The following XRCC4 variants were observed in gnomAD, a reference collection of about 807,000 sequenced individuals.
XRCC4 encodes X-ray repair cross complementing 4.
Under a neutral mutation model 39.1 loss-of-function variants are expected in XRCC4, and 28 were observed. The observed-to-expected ratio is 0.72, with a 90% CI of 0.53 to 0.98. XRCC4 has a LOEUF of 0.98. Among genes scored for constraint, XRCC4 ranks in the 50% least tolerant of loss-of-function variants. The pLI, the probability that XRCC4 is intolerant of heterozygous loss-of-function variation, is 0.00. For missense variants in XRCC4, 350 were observed against 376.4 expected, an observed-to-expected ratio of 0.93 and a Z score of 0.58; for synonymous variants, 123 against 126.4, an observed-to-expected ratio of 0.97 and a Z score of 0.18.
At position 83,251,294 on chromosome 5, in the gene XRCC4, G is replaced by A. The variant is rs148683993; in HGVS notation, c.746-7236G>A. Among the ~76,000 whole-genome samples, 9 of 152,194 alleles carry A rather than the reference G, an allele frequency of 5.9e-5. No individual in the cohort carries two copies. The East Asian group carries it at 1.7e-3, about 29-fold the overall frequency. On this transcript the variant is annotated intron_variant, in intron 6 of 7. Transcript: ENST00000396027. ...TCACTCCAGCACTTTGGGAGGCTGA[G>A]GCGGGTGGATCACGACGTCAGCAGA... is the stretch of plus-strand genomic sequence containing the variant.
At chr5:83,313,959 T>C (rs1191037538) in intron 7 of XRCC4, among the ~76,000 whole-genome samples, 1 of 152,070 alleles carries the variant, frequency 6.6e-6, no homozygotes, top group Non-Finnish European at 1.5e-5. Flanking sequence ...ACTACATAGC[T>C]TTCTGAGTAA....
At chr5:83,150,548 A>G (rs565483301) in intron 3 of XRCC4, among the ~76,000 whole-genome samples, 8 of 152,282 alleles carry the variant, frequency 5.3e-5, no homozygotes, top group East Asian at 3.9e-4. Context: ...GATGCTTTCA[A>G]TGGTCACAGA....
intron 3 of XRCC4, among the ~76,000 whole-genome samples, chr5:83,164,894 G>T (rs1446328046): frequency 2.0e-5 from 3 of 151,984 alleles, no homozygotes; most frequent in Non-Finnish European, 2.9e-5. Flanking sequence ...GACAATATAA[G>T]AACTGTTAGA....
chr5:83,141,508 T>A (rs1360538077), intron 3 of XRCC4, among the ~76,000 whole-genome samples: 2 of 152,188 alleles, frequency 1.3e-5, no homozygotes, highest in Non-Finnish European at 2.9e-5. Context: ...CTCTGATAGG[T>A]GAGAAATTAT....
intron 3 of XRCC4, among the ~76,000 whole-genome samples, chr5:83,177,555 T>C (rs1029997031): frequency 6.6e-6 from 1 of 151,968 alleles, no homozygotes; most frequent in African/African-American, 2.4e-5. Context: ...TATGAAGCCA[T>C]TTCTGCATGT....
At chr5:83,261,925 G>A (rs1218256180) in intron 7 of XRCC4, among the ~76,000 whole-genome samples, 1 of 151,878 alleles carries the variant, frequency 6.6e-6, no homozygotes, top group Non-Finnish European at 1.5e-5. Context: ...AACATATTAA[G>A]TACTTTATAA....
chr5:83,221,073 G>T (rs1196138313), intron 6 of XRCC4, among the ~76,000 whole-genome samples: 1 of 152,060 alleles, frequency 6.6e-6, no homozygotes, highest in Admixed American at 6.5e-5. Flanking sequence ...AAGTATTTGT[G>T]ACCCTTGGAG....
At chr5:83,178,596 T>TG (rs1750067476) in intron 3 of XRCC4, among the ~76,000 whole-genome samples, 1 of 152,104 alleles carries the variant, frequency 6.6e-6, no homozygotes, top group South Asian at 2.1e-4. Flanking sequence ...AGGGCACTGA[T>TG]GGCATTGGTA....
At chr5:83,229,080 A>G (rs1752396754) in intron 6 of XRCC4, among the ~76,000 whole-genome samples, 1 of 152,054 alleles carries the variant, frequency 6.6e-6, no homozygotes, top group Non-Finnish European at 1.5e-5. Flanking sequence ...CTACCAAAAG[A>G]CGAATAAAAT....
chr5:83,285,001 A>T (rs981406747), intron 7 of XRCC4, among the ~76,000 whole-genome samples: 2 of 152,128 alleles, frequency 1.3e-5, no homozygotes, highest in Non-Finnish European at 2.9e-5. Context: ...AAAAATTAGG[A>T]TAGTGAGATT....
At chr5:83,364,509 C>A in the XRCC4 span, among the ~76,000 whole-genome samples, 3,115 of 152,270 alleles carry the variant, frequency 0.02, 107 homozygotes, top group African/African-American at 0.07. Context: ...ACTTCCCTTC[C>A]TCTCCTTATC....
chr5:83,219,078 C>T (rs1751982476), intron 6 of XRCC4, among the ~76,000 whole-genome samples: 1 of 152,042 alleles, frequency 6.6e-6, no homozygotes, highest in Admixed American at 6.6e-5. Flanking sequence ...GGCCTCTCTC[C>T]TTGGCTTATA....
chr5:83,148,033 C>T (rs980329185), intron 3 of XRCC4, among the ~76,000 whole-genome samples: 3 of 151,982 alleles, frequency 2.0e-5, no homozygotes, highest in African/African-American at 7.2e-5. Context: ...GGTGATTCGC[C>T]CTCCTCGGCC....
At chr5:83,347,355 T>C (rs188648752) in intron 7 of XRCC4, among the ~76,000 whole-genome samples, 1 of 151,688 alleles carries the variant, frequency 6.6e-6, no homozygotes, top group East Asian at 1.9e-4. Flanking sequence ...AGAAAAGAGG[T>C]TTAATTGGCT....
chr5:83,240,110 G>T (rs1731186523), intron 6 of XRCC4, among the ~76,000 whole-genome samples: 2 of 152,010 alleles, frequency 1.3e-5, no homozygotes, highest in South Asian at 2.1e-4. Context: ...GGAGTTCAAG[G>T]CTGCAGTGAG....
intron 3 of XRCC4, among the ~76,000 whole-genome samples, chr5:83,145,086 G>A (rs1055003845): frequency 6.6e-6 from 1 of 152,176 alleles, no homozygotes; most frequent in Admixed American, 6.5e-5. Flanking sequence ...TAGTAGAGAC[G>A]TGGTTTCACC....
At chr5:83,227,450 T>C (rs1249516121) in intron 6 of XRCC4, among the ~76,000 whole-genome samples, 2 of 152,148 alleles carry the variant, frequency 1.3e-5, no homozygotes, top group Non-Finnish European at 2.9e-5. Context: ...GTTGAACATG[T>C]TGTAGTTATA....
intron 3 of XRCC4, among the ~76,000 whole-genome samples, chr5:83,147,398 TGTG>T (rs1748506836): frequency 6.6e-6 from 1 of 152,172 alleles, no homozygotes; most frequent in Non-Finnish European, 1.5e-5. Flanking sequence ...TACTGTCACT[TGTG>T]GTAACATGGA....
chr5:83,262,101 A>T (rs964109015), intron 7 of XRCC4, among the ~76,000 whole-genome samples: 2 of 152,142 alleles, frequency 1.3e-5, no homozygotes, highest in Non-Finnish European at 2.9e-5. Flanking sequence ...CAGAATTTTG[A>T]TAAGTGCTTT....
Sources: gnomAD v4.1 joint callset for allele counts (sites outside exome capture counted in the v4.1 genomes callset) on GRCh38, gnomAD v4.1.1 for gene constraint, MANE v1.5 for transcripts, NCBI Gene and HGNC (gene_info 2026-07-23, HGNC 2026-07-21) for gene names.